ALK: variants seen among roughly 807,000 people sequenced by gnomAD.
ALK encodes ALK tyrosine kinase receptor.
Under a neutral mutation model 163.1 loss-of-function variants are expected in ALK, and 74 were observed. The observed-to-expected ratio is 0.45, with a 90% confidence interval of 0.38 to 0.55. The LOEUF (loss-of-function observed/expected upper bound fraction) is 0.55. Among genes scored for constraint, ALK ranks in the 20% least tolerant of loss-of-function variants. The pLI, the probability that ALK is intolerant of heterozygous loss-of-function variation, is 0.00. For synonymous variants in ALK, 960 were observed against 843.2 expected (o/e 1.14, Z -2.40); for missense variants, 2,063 against 2,105.3 (o/e 0.98, Z 0.39).
chr2:29,723,023 T>C (rs1304832444), intron 1 of ALK, among the ~76,000 whole-genome samples: 1 of 152,148 alleles, frequency 6.6e-6, no homozygotes, highest in Non-Finnish European at 1.5e-5. Context: ...CATCTCTCCA[T>C]TATTGCTATG....
In ALK at chr2:29,431,579, C is replaced by T. The variant is rs544803447; in HGVS notation, c.1155-47720G>A. On this transcript the variant is annotated intron_variant, in intron 4 of 28. Transcript: ENST00000389048. ...TGCAAACCGCCTGCTTGTCCCTTGA[C>T]TCAGCAGAGGTCAGGATATGAAATA... 3.3e-5 allele frequency among the ~76,000 whole-genome samples: 5 copies of T among 152,294 alleles called. No homozygotes were observed. In the South Asian group the frequency reaches 1.0e-3, roughly 32 times the overall value.
rs899461601 is a variant in ALK at position 29,687,491 on chromosome 2, T to C, written c.952+7359A>G. 4.6e-5 allele frequency among the ~76,000 whole-genome samples: 7 copies of C among 152,036 alleles called. No homozygotes were observed. In the East Asian group the frequency reaches 1.4e-3, roughly 29 times the overall value. The stretch of plus-strand genomic sequence containing the variant: ...TTTTTCCCCCAAAGTCTAAGATAAC[T>C]CAATAGAATAGTCTCGAATGATAAT... On this transcript the variant is annotated intron_variant, in intron 3 of 28. Coordinates refer to ENST00000389048, the MANE Select transcript of ALK (RefSeq NM_004304.5).
intron 5 of ALK, among the ~76,000 whole-genome samples, chr2:29,362,717 T>A (rs1409629404): frequency 6.6e-6 from 1 of 152,238 alleles, no homozygotes; most frequent in Non-Finnish European, 1.5e-5. Flanking sequence ...CCCTTCTTTA[T>A]CTGTCTTATC....
rs201281926 is a variant in ALK, at chr2:29,240,117, AGGGAGAGAAGGAG to A, written c.2205-300_2205-288del. 6.4e-3 allele frequency among the ~76,000 whole-genome samples: 962 copies of A among 150,156 alleles called. 7 individuals carry two copies. The highest frequency in any genetic ancestry group is 0.023 in the African/African-American group (915 of 40,610). ...AAGGGCAGGGAGGAGGGAGGGAAGA[AGGGAGAGAAGGAG>A]GGGAGAGAGAGAGGGAAACAGCAGA... On this transcript the variant is annotated intron_variant, in intron 12 of 28. Transcript: ENST00000389048.
intron 4 of ALK, among the ~76,000 whole-genome samples, chr2:29,476,299 C>T (rs1461037512): frequency 2.0e-5 from 3 of 152,294 alleles, no homozygotes; most frequent in Middle Eastern, 3.4e-3. Context: ...GAAGATCAAA[C>T]CAAGGCCTAG....
chr2:29,626,137 G>A (rs937444857), intron 3 of ALK, among the ~76,000 whole-genome samples: 1 of 152,184 alleles, frequency 6.6e-6, no homozygotes, highest in Non-Finnish European at 1.5e-5. Flanking sequence ...AAAGACTGAA[G>A]CCCTATACCC....
At chr2:29,633,179 T>C (rs1676427288) in intron 3 of ALK, among the ~76,000 whole-genome samples, 4 of 152,184 alleles carry the variant, frequency 2.6e-5, no homozygotes, top group Non-Finnish European at 5.9e-5. Flanking sequence ...ATGATCCTCA[T>C]AGGCTGAATG....
Position 29,523,657 on chromosome 2 carries a change from A to G in ALK, c.1154+8258T>C, listed in dbSNP as rs185598089. Among the ~76,000 whole-genome samples the G allele has an allele frequency of 1.5e-3, 223 of 152,240 alleles. 1 individual carries two copies. Among genetic ancestry groups the G allele is most frequent in the Middle Eastern group, 3.4e-3 (1 of 294 alleles). ...TTTGACTTCTCTTTGTATACAATAT[A>G]TATTTATCATTATGGGATTGGCCAA... is the stretch of plus-strand genomic sequence containing the variant. On this transcript the variant is annotated intron_variant, in intron 4 of 28. Coordinates refer to ENST00000389048, the MANE Select transcript of ALK (RefSeq NM_004304.5).
At chr2:29,443,252 G>A (rs929650715) in intron 4 of ALK, among the ~76,000 whole-genome samples, 1 of 152,206 alleles carries the variant, frequency 6.6e-6, no homozygotes, top group Admixed American at 6.5e-5. Context: ...TGCCTGCCAG[G>A]GAGCAGGTGT....
intron 3 of ALK, among the ~76,000 whole-genome samples, chr2:29,650,228 T>C (rs976200153): frequency 3.9e-5 from 6 of 152,138 alleles, no homozygotes; most frequent in African/African-American, 9.7e-5. Context: ...GCTATAAAAG[T>C]CCTAATCTTC....
intron 5 of ALK, among the ~76,000 whole-genome samples, chr2:29,332,297 A>T (rs1667467105): frequency 8.1e-6 from 1 of 124,168 alleles, no homozygotes; most frequent in Non-Finnish European, 1.6e-5. Context: ...AAAAAAAAAA[A>T]AAAAAAAAAA....
At chr2:29,534,384 G>T (rs1005713489) in intron 3 of ALK, among the ~76,000 whole-genome samples, 17 of 152,210 alleles carry the variant, frequency 1.1e-4, no homozygotes, top group African/African-American at 4.1e-4. Flanking sequence ...CCAGTACTAG[G>T]GTAGTGTGTA....
intron 11 of ALK, among the ~76,000 whole-genome samples, chr2:29,265,353 C>T (rs1665194764): frequency 6.6e-6 from 1 of 152,192 alleles, no homozygotes; most frequent in South Asian, 2.1e-4. Context: ...GTGAGTCCTA[C>T]TCCTTAGCAG....
chr2:29,343,189 CT>C (rs1300187199), intron 5 of ALK, among the ~76,000 whole-genome samples: 1 of 142,664 alleles, frequency 7.0e-6, no homozygotes, highest in African/African-American at 2.6e-5. Flanking sequence ...CCTGGCCGAT[CT>C]TTTTTTTAAA....
chr2:29,753,550 C>G (rs759265838), intron 1 of ALK, among the ~76,000 whole-genome samples: 1 of 152,090 alleles, frequency 6.6e-6, no homozygotes, highest in Non-Finnish European at 1.5e-5. Flanking sequence ...ATAACACCTG[C>G]TTGGTTTATC....
chr2:29,306,965 A>C (rs1666525489), intron 8 of ALK, among the ~76,000 whole-genome samples: 1 of 152,240 alleles, frequency 6.6e-6, no homozygotes, highest in Non-Finnish European at 1.5e-5. Flanking sequence ...GAAGGGACTG[A>C]TAGACTTTCC....
chr2:29,839,621 G>T (rs1409576687), intron 1 of ALK, among the ~76,000 whole-genome samples: 2 of 152,114 alleles, frequency 1.3e-5, no homozygotes, highest in Non-Finnish European at 2.9e-5. Context: ...CCCAGCCCTT[G>T]GCACATTCTC....
chr2:29,758,635 T>C (rs1680609312), intron 1 of ALK, among the ~76,000 whole-genome samples: 1 of 152,120 alleles, frequency 6.6e-6, no homozygotes, highest in Admixed American at 6.5e-5. Context: ...CTCGGCTCCC[T>C]CCTCCCTCCC....
intron 9 of ALK, among the ~76,000 whole-genome samples, chr2:29,291,201 A>G (rs949929274): frequency 8.7e-5 from 13 of 148,646 alleles, no homozygotes; most frequent in African/African-American, 3.2e-4. Flanking sequence ...TGTCTGTACA[A>G]TTTTTTTTTT....
Sources: allele counts gnomAD v4.1 joint callset (sites outside exome capture counted in the v4.1 genomes callset), GRCh38; gene constraint gnomAD v4.1.1; transcripts MANE v1.5; gene names NCBI Gene and HGNC (gene_info 2026-07-23, HGNC 2026-07-21).